The following FRYL variants were observed in gnomAD, a reference collection of about 807,000 sequenced individuals.
FRYL encodes protein furry homolog-like.
Under a neutral mutation model 351.2 loss-of-function variants are expected in FRYL, and 150 were observed. That is an observed-to-expected ratio of 0.43 (90% CI 0.37 to 0.49). The LOEUF is 0.49. FRYL is among the 20% of genes least tolerant of loss of function. The probability of loss-of-function intolerance (pLI) is 0.00; values close to 1 mark genes in which losing one functional copy is unlikely to be tolerated. For missense variants in FRYL, 3,036 were observed against 3,619.3 expected (o/e 0.84, Z 4.13); for synonymous variants, 1,153 against 1,257.1 (o/e 0.92, Z 1.75).
chr4:48,638,238 CAG>C (rs1249775453), intron 3 of FRYL: 2 of 151,982 alleles, frequency 1.3e-5, no homozygotes, highest in African/African-American at 4.8e-5. Context: ...ATTTATATAA[CAG>C]AAATTTTTAC....
chr4:48,584,299 G>A (rs1741613714), intron 19 of FRYL, among the ~76,000 whole-genome samples: 1 of 152,198 alleles, frequency 6.6e-6, no homozygotes, highest in African/African-American at 2.4e-5. Flanking sequence ...GAAAAATGGA[G>A]TTATCCACAA....
chr4:48,669,024 C>T (rs1051366321), intron 3 of FRYL, among the ~76,000 whole-genome samples: 5 of 151,938 alleles, frequency 3.3e-5, no homozygotes, highest in African/African-American at 9.7e-5. Context: ...TTTTTAAAAC[C>T]GTATCTTTAT....
At chr4:48,508,183 TAACTTGACAGCTG>T (rs765505879) in intron 59 of FRYL, among the ~76,000 whole-genome samples, 2 of 152,236 alleles carry the variant, frequency 1.3e-5, no homozygotes, top group Non-Finnish European at 2.9e-5. Context: ...GGGCCAGATA[TAACTTGACAGCTG>T]TAGTTTGCTA....
At chr4:48,578,318 A>G (rs1251299048) in intron 23 of FRYL, among the ~76,000 whole-genome samples, 1 of 152,182 alleles carries the variant, frequency 6.6e-6, no homozygotes, top group Non-Finnish European at 1.5e-5. Context: ...GGCAAGTTAT[A>G]TGCTGAGAGG....
intron 21 of FRYL, 126 bp downstream of exon 21, chr4:48,581,294 C>T (rs1253692995): frequency 1.4e-6 from 1 of 736,194 alleles, no homozygotes; most frequent in Non-Finnish European, 2.1e-6. Context: ...GACTCGGCCT[C>T]CCAATTGAGA....
rs1165635094 is a variant in FRYL, at chr4:48,544,892, G to A, written c.5292C>T (p.Pro1764=). ...MEFITSRKRG[P]LWNHEDVSAK... ...CAGAAACATCCTCATGGTTCCAAAG[G>A]GGCCCTCTTTTTCTGAAAACAGAGA... The change falls in exon 43 of 64, where the codon CCC becomes CCT. Residue 1764 remains proline, a synonymous_variant. Coordinates refer to ENST00000358350, the MANE Select transcript of FRYL (RefSeq NM_015030.2). 4.4e-6 allele frequency: 7 copies of A among 1,600,996 alleles called. No homozygotes were observed. The highest frequency in any genetic ancestry group is 6.0e-6 in the Non-Finnish European group (7 of 1,175,812).
chr4:48,589,504 G>A (rs1742826439), intron 18 of FRYL, among the ~76,000 whole-genome samples: 1 of 151,892 alleles, frequency 6.6e-6, no homozygotes. Flanking sequence ...GTAAGTGTAG[G>A]GCCTTGTCAT....
Position 48,539,996 on chromosome 4 carries a change from T to C in FRYL, c.6368A>G (p.Lys2123Arg), listed in dbSNP as rs775109375. The part of the protein sequence containing the change: ...QHFDSPTQFC[K>R]ETASRIAKVC... Reference sequence around the variant, plus strand: ...CTTTGCTATTCGACTAGCTGTTTCTTTGCAAAACTGAGTTGGGCTGTCAAA... The same window carrying C: ...CTTTGCTATTCGACTAGCTGTTTCTCTGCAAAACTGAGTTGGGCTGTCAAA... Residue 2123 changes from lysine to arginine, a missense_variant, in exon 47 of 64, where the codon AAA (lysine) becomes AGA (arginine). Transcript: ENST00000358350. The C allele has an allele frequency of 1.2e-6, 2 of 1,613,028 alleles. No homozygotes were observed. Among genetic ancestry groups the C allele is most frequent in the East Asian group, 4.5e-5 (2 of 44,796 alleles).
chr4:48,572,089 T>G (rs1012242647), intron 26 of FRYL: 93 of 676,678 alleles, frequency 1.4e-4, no homozygotes, highest in Non-Finnish European at 1.5e-4. Flanking sequence ...TGTTTCAAAG[T>G]CCCTAAACTG....
intron 13 of FRYL, among the ~76,000 whole-genome samples, chr4:48,596,919 G>A (rs1408692264): frequency 1.3e-5 from 2 of 150,350 alleles, no homozygotes; most frequent in Non-Finnish European, 3.0e-5. Flanking sequence ...TGTACTGATT[G>A]TTGTGAATTT....
At chr4:48,777,409 T>A (rs1354677783) in intron 1 of FRYL, among the ~76,000 whole-genome samples, 2 of 152,194 alleles carry the variant, frequency 1.3e-5, no homozygotes, top group Non-Finnish European at 2.9e-5. Flanking sequence ...TACAGGACAT[T>A]ATCTTTTTCT....
chr4:48,648,882 T>A (rs1757072626), intron 3 of FRYL, among the ~76,000 whole-genome samples: 1 of 152,174 alleles, frequency 6.6e-6, no homozygotes, highest in Non-Finnish European at 1.5e-5. Flanking sequence ...GAAAACATTC[T>A]GCAATTAGAT....
intron 1 of FRYL, among the ~76,000 whole-genome samples, chr4:48,711,870 C>T (rs1768094397): frequency 6.6e-6 from 1 of 152,140 alleles, no homozygotes; most frequent in Admixed American, 6.6e-5. Context: ...TGAGACAAAA[C>T]TTCCAGAGGA....
At chr4:48,631,071 T>C (rs749808069) in intron 4 of FRYL, among the ~76,000 whole-genome samples, 1 of 152,238 alleles carries the variant, frequency 6.6e-6, no homozygotes, top group Non-Finnish European at 1.5e-5. Context: ...CTTGAAGCTA[T>C]GGATTCCCAA....
chr4:48,623,720 T>C (rs1453487312), intron 4 of FRYL, among the ~76,000 whole-genome samples: 1 of 152,152 alleles, frequency 6.6e-6, no homozygotes, highest in Non-Finnish European at 1.5e-5. Flanking sequence ...AATACTGGTA[T>C]CAGCAATATG....
chr4:48,529,911 G>A (rs1377954562), intron 50 of FRYL, among the ~76,000 whole-genome samples: 1 of 152,100 alleles, frequency 6.6e-6, no homozygotes, highest in Non-Finnish European at 1.5e-5. Context: ...CTGGACTGAT[G>A]GCCCCTGCTT....
chr4:48,504,017 G>A (rs76392057), intron 60 of FRYL, among the ~76,000 whole-genome samples: 2,740 of 152,206 alleles, frequency 0.018, 77 homozygotes, highest in African/African-American at 0.062. Flanking sequence ...TGCTGATAAA[G>A]TTTATGATCG....
chr4:48,750,066 C>T (rs571199611), intron 1 of FRYL, among the ~76,000 whole-genome samples: 111 of 147,700 alleles, frequency 7.5e-4, no homozygotes, highest in African/African-American at 2.8e-3. Flanking sequence ...CCCAATAGTT[C>T]AAGGCTACAG....
At chr4:48,576,291 T>A in intron 23 of FRYL, 69 bp from the exon 24 acceptor site, 2 of 1,105,136 alleles carry the variant, frequency 1.8e-6, no homozygotes, top group Non-Finnish European at 2.5e-6. Flanking sequence ...TTATTTTAAC[T>A]AATGCTAAAT....
Sources: gnomAD v4.1 joint callset for allele counts (sites outside exome capture counted in the v4.1 genomes callset) on GRCh38, gnomAD v4.1.1 for gene constraint, MANE v1.5 for transcripts, NCBI Gene and HGNC (gene_info 2026-07-23, HGNC 2026-07-21) for gene names.